LRBA: variants seen among roughly 807,000 people sequenced by gnomAD.
The protein encoded by LRBA is lipopolysaccharide-responsive and beige-like anchor protein.
LRBA carries 176 observed loss-of-function variants against 330.0 expected under a neutral mutation model. The observed-to-expected ratio is 0.53, with a 90% CI of 0.47 to 0.60. The LOEUF (loss-of-function observed/expected upper bound fraction) is 0.60, where lower values mean the gene tolerates loss of function less well. Among genes scored for constraint, LRBA ranks in the 20% least tolerant of loss-of-function variants. The pLI, the probability that LRBA is intolerant of heterozygous loss-of-function variation, is 0.00. For missense variants in LRBA, 3,259 were observed against 3,444.8 expected (o/e 0.95, Z 1.35); for synonymous variants, 1,230 against 1,193.0 (o/e 1.03, Z -0.64).
chr4:150,540,205 A>G lies in LRBA; in HGVS notation c.6330+47843T>C, dbSNP rs1765164872. ...TTAGGTAGTATGCTGAACATTTGGG[A>G]TGGGTTTTTATGGGTGTTGTTGTTG... On this transcript the variant is annotated intron_variant, in intron 40 of 56. Transcript: ENST00000651943. 2.0e-5 allele frequency among the ~76,000 whole-genome samples: 3 copies of G among 152,218 alleles called. No individual in the cohort carries two copies. The South Asian group carries it at 6.2e-4, about 32-fold the overall frequency.
intron 37 of LRBA, among the ~76,000 whole-genome samples, chr4:150,620,176 T>C (rs1396552197): frequency 6.6e-6 from 1 of 152,040 alleles, no homozygotes; most frequent in Non-Finnish European, 1.5e-5. Flanking sequence ...TCAAAACATA[T>C]ACAAATGGCC....
intron 40 of LRBA, among the ~76,000 whole-genome samples, chr4:150,564,099 C>G (rs949850669): frequency 7.2e-5 from 11 of 152,036 alleles, no homozygotes; most frequent in Non-Finnish European, 1.3e-4. Context: ...GCAAAAAGAA[C>G]AAAGCTGGAG....
chr4:150,860,551 G>A (rs1187728987), intron 22 of LRBA, among the ~76,000 whole-genome samples: 1 of 152,144 alleles, frequency 6.6e-6, no homozygotes, highest in Non-Finnish European at 1.5e-5. Flanking sequence ...ATATAGGCCG[G>A]GCGCGGTGGT....
At chr4:150,426,139 T>A (rs1749575125) in intron 46 of LRBA, among the ~76,000 whole-genome samples, 1 of 152,112 alleles carries the variant, frequency 6.6e-6, no homozygotes, top group Admixed American at 6.5e-5. Context: ...TTTATAATAG[T>A]TATTTTAAAT....
At chr4:150,363,581 C>A (rs1739022446) in intron 47 of LRBA, among the ~76,000 whole-genome samples, 1 of 152,228 alleles carries the variant, frequency 6.6e-6, no homozygotes, top group Admixed American at 6.5e-5. Flanking sequence ...TATATACCAT[C>A]TTTCTCACTG....
rs575963088 is a variant in LRBA, at chr4:150,302,035, T to C, written c.8017+590A>G. The stretch of plus-strand genomic sequence containing the variant: ...ATGGTAGCTGCTTCCTTTTTTGCCT[T>C]CTGTGAATTACAATTTTAAATGGTT... On this transcript the variant is annotated intron_variant, in intron 53 of 56. Transcript: ENST00000651943. 1.1e-4 allele frequency among the ~76,000 whole-genome samples: 16 copies of C among 152,312 alleles called. No homozygotes were observed. The South Asian group carries it at 3.3e-3, about 32-fold the overall frequency.
chr4:150,311,549 CAG>C (rs750185767), intron 51 of LRBA, among the ~76,000 whole-genome samples: 6 of 152,188 alleles, frequency 3.9e-5, no homozygotes, highest in Non-Finnish European at 8.8e-5. Context: ...ACTGGGGACA[CAG>C]AGGACTGATG....
intron 2 of LRBA, among the ~76,000 whole-genome samples, chr4:150,976,826 T>C (rs913703439): frequency 6.6e-6 from 1 of 152,138 alleles, no homozygotes; most frequent in Non-Finnish European, 1.5e-5. Flanking sequence ...GTGCAGCGAC[T>C]GTGGGATCCT....
At chr4:150,819,559 CAG>C (rs1393613113) in intron 30 of LRBA, among the ~76,000 whole-genome samples, 1 of 152,026 alleles carries the variant, frequency 6.6e-6, no homozygotes. Flanking sequence ...GTGAAGCAAA[CAG>C]AGCTAAAAGC....
Position 150,928,821 on chromosome 4 carries a change from G to T in LRBA, c.448+13C>A. The T allele has an allele frequency of 6.3e-7, 1 of 1,593,976 alleles. No homozygotes were observed. The stretch of plus-strand genomic sequence containing the variant: ...ATTTCTTTGCATATATTGTACTATA[G>T]AAAAAATCATACCTGCTATCATATT... On this transcript the variant is annotated intron_variant, in intron 3 of 56. Coordinates refer to ENST00000651943, the MANE Select transcript of LRBA (RefSeq NM_001364905.1).
rs1031340001 is a variant in LRBA, at chr4:150,431,747, G to T, written c.7041+3842C>A. Among the ~76,000 whole-genome samples the T allele has an allele frequency of 4.6e-5, 7 of 151,850 alleles. No individual in the cohort carries two copies. In the South Asian group the frequency reaches 1.5e-3, roughly 32 times the overall value. On this transcript the variant is annotated intron_variant, in intron 46 of 56. Coordinates refer to ENST00000651943, the MANE Select transcript of LRBA (RefSeq NM_001364905.1). ...TGTATTATATTTCCATTGGAGAGTC[G>T]CTCTAAGTCTACTTAGAAAACTGAT...
intron 36 of LRBA, among the ~76,000 whole-genome samples, chr4:150,728,995 T>C (rs776781961): frequency 1.3e-5 from 2 of 152,122 alleles, no homozygotes; most frequent in Non-Finnish European, 2.9e-5. Context: ...ACAAATTCAG[T>C]AAAGTTGCAG....
intron 35 of LRBA, among the ~76,000 whole-genome samples, chr4:150,759,057 T>G (rs961857447): frequency 6.6e-6 from 1 of 151,572 alleles, no homozygotes; most frequent in African/African-American, 2.4e-5. Context: ...GCTGGTACTA[T>G]AGGCACCTGC....
chr4:150,422,489 C>T (rs1363675432), intron 46 of LRBA, among the ~76,000 whole-genome samples: 1 of 152,108 alleles, frequency 6.6e-6, no homozygotes, highest in Non-Finnish European at 1.5e-5. Context: ...GAAAACTCTG[C>T]CTTCAACATA....
At chr4:150,315,234 C>G (rs1001312404) in intron 51 of LRBA, 1 of 375,216 alleles carries the variant, frequency 2.7e-6, no homozygotes, top group Non-Finnish European at 4.8e-6. Flanking sequence ...GTGCCTTGCT[C>G]CTGCTCATCA....
chr4:150,833,340 T>G (rs1335535496), intron 28 of LRBA, among the ~76,000 whole-genome samples: 1 of 151,790 alleles, frequency 6.6e-6, no homozygotes, highest in East Asian at 1.9e-4. Flanking sequence ...AAACTCAAAT[T>G]TATCTATCAA....
chr4:150,953,233 G>A (rs1304794510), intron 2 of LRBA, among the ~76,000 whole-genome samples: 2 of 152,046 alleles, frequency 1.3e-5, no homozygotes, highest in Non-Finnish European at 2.9e-5. Context: ...AAACAGAAGA[G>A]GTGAACAACA....
At chr4:150,512,138 T>C (rs1027669378) in intron 40 of LRBA, among the ~76,000 whole-genome samples, 1 of 152,254 alleles carries the variant, frequency 6.6e-6, no homozygotes, top group Admixed American at 6.5e-5. Flanking sequence ...TCCATGTTTC[T>C]ATAATTAGTT....
At chr4:150,596,600 G>A (rs1316894343) in intron 38 of LRBA, among the ~76,000 whole-genome samples, 1 of 151,782 alleles carries the variant, frequency 6.6e-6, no homozygotes, top group Non-Finnish European at 1.5e-5. Context: ...ATTTATCCAT[G>A]TTAAAATCTG....
Sources: allele counts gnomAD v4.1 joint callset (sites outside exome capture counted in the v4.1 genomes callset), GRCh38; gene constraint gnomAD v4.1.1; transcripts MANE v1.5; gene names NCBI Gene and HGNC (gene_info 2026-07-23, HGNC 2026-07-21).